Variants in C17orf99 observed in about 807,000 individuals in gnomAD.
C17orf99 encodes the protein protein IL-40.
A neutral mutation model predicts 22.6 loss-of-function variants in C17orf99; 18 were observed. The ratio of observed to expected loss-of-function variants is 0.80; its 90% CI spans 0.55 to 1.18. The LOEUF (loss-of-function observed/expected upper bound fraction) is 1.18, where lower values mean the gene tolerates loss of function less well. Among genes scored for constraint, C17orf99 ranks in the 50% most tolerant of loss-of-function variants. The pLI, the probability that C17orf99 is intolerant of heterozygous loss-of-function variation, is 0.00. For synonymous variants in C17orf99, 147 were observed against 136.6 expected (o/e 1.08, Z -0.53); for missense variants, 328 against 342.7 (o/e 0.96, Z 0.34).
At chr17:78,164,574 C>G in intron 4 of C17orf99, 3 of 1,530,458 alleles carry the variant, frequency 2.0e-6, no homozygotes, top group Non-Finnish European at 2.6e-6. Context: ...AGGAGGGTTG[C>G]CCAGGGCACC....
chr17:78,158,214 T>A, intron 2 of C17orf99: 1 of 646,734 alleles, frequency 1.5e-6, no homozygotes, highest in Non-Finnish European at 2.9e-6. Context: ...GTGGCGGTGG[T>A]GGCAGCAGTG....
intron 2 of C17orf99, among the ~76,000 whole-genome samples, chr17:78,154,091 A>G (rs1391561493): frequency 6.6e-6 from 1 of 151,352 alleles, no homozygotes; most frequent in Non-Finnish European, 1.5e-5. Context: ...ACACCGGGCT[A>G]ATTTGTGTAT....
At chr17:78,148,921 A>C (rs2075456309) in intron 2 of C17orf99, among the ~76,000 whole-genome samples, 1 of 152,174 alleles carries the variant, frequency 6.6e-6, no homozygotes, top group Non-Finnish European at 1.5e-5. Context: ...CTCGGGATCC[A>C]GAGGAGAGAC....
At chr17:78,160,034 T>C (rs577293909) in intron 2 of C17orf99, 1 of 456,110 alleles carries the variant, frequency 2.2e-6, no homozygotes, top group African/African-American at 2.0e-5. Flanking sequence ...AGCGTGTGTG[T>C]ACAGGTATCT....
chr17:78,157,940 G>C, intron 2 of C17orf99: 1 of 1,175,170 alleles, frequency 8.5e-7, no homozygotes. Context: ...CATCTTTACT[G>C]GGAAGAAATA....
In C17orf99 at chr17:78,166,014, G is replaced by A. The variant is rs1386518098; in HGVS notation, c.766G>A (p.Glu256Lys). The A allele has an allele frequency of 2.1e-6, 3 of 1,445,808 alleles. No individual in the cohort carries two copies. In the African/African-American group the frequency reaches 4.2e-5, roughly 20 times the overall value. The allele number at this position is 1,445,808 out of a possible 1,614,324, so 89.6% of individuals were successfully genotyped here. A position where few individuals can be genotyped will look rare whatever the true frequency, so the allele number is the denominator to read the frequency against. Residue 256 changes from glutamate to lysine, a missense_variant, in exon 5 of 5, where the codon GAG (glutamate) becomes AAG (lysine). Transcript: ENST00000340363. ...EFGGFRIGNG[E>K]VRGRKAAAM Reference sequence around the variant, plus strand: ...TGGGGGGTTCAGGATAGGGAATGGGGAGGTCAGAGGACGCAAAGCAGCAGC... The same window carrying A: ...TGGGGGGTTCAGGATAGGGAATGGGAAGGTCAGAGGACGCAAAGCAGCAGC...
Position 78,161,061 on chromosome 17 carries a change from C to G in C17orf99, c.177C>G (p.Thr59=), listed in dbSNP as rs1272975593. ...CCAPQPPPPI[T]YSLCGTKNIK... is the part of the protein sequence containing the mutation. ...CACCCCAGCCACCACCGCCCATCAC[C>G]TATTCCCTCTGTGGAACCAAGAACA... Residue 59 remains threonine, a synonymous_variant, in exon 3 of 5, where the codon ACC becomes ACG. Transcript: ENST00000340363. 1.9e-6 allele frequency: 3 copies of G among 1,551,676 alleles called. No individual in the cohort carries two copies. Among genetic ancestry groups the G allele is most frequent in the South Asian group, 1.2e-5 (1 of 84,070 alleles).
In C17orf99 at chr17:78,164,526, C is replaced by T. The variant is rs1008192038; in HGVS notation, c.640+162C>T. On this transcript the variant is annotated intron_variant, in intron 4 of 4. Coordinates refer to ENST00000340363, the MANE Select transcript of C17orf99 (RefSeq NM_001163075.2). The stretch of plus-strand genomic sequence containing the variant: ...CAACCATGCCCACCCTGGCCCCTGC[C>T]TAAAGGAAGCCCAACCCAGCTGCCT... 6 of 1,536,092 alleles carry T rather than the reference C, an allele frequency of 3.9e-6. No homozygotes were observed. The African/African-American group carries it at 6.8e-5, about 18-fold the overall frequency.
At chr17:78,150,134 G>GA (rs2075470017) in intron 2 of C17orf99, among the ~76,000 whole-genome samples, 1 of 151,730 alleles carries the variant, frequency 6.6e-6, no homozygotes, top group Non-Finnish European at 1.5e-5. Context: ...TCAGCCTCCA[G>GA]AGTAACTGGG....
intron 2 of C17orf99, among the ~76,000 whole-genome samples, chr17:78,148,583 G>C (rs958975924): frequency 1.3e-5 from 2 of 152,112 alleles, no homozygotes; most frequent in Non-Finnish European, 2.9e-5. Context: ...AGAAGGAAAG[G>C]GAACACCAGG....
At chr17:78,161,317 T>G in intron 3 of C17orf99, 63 bp downstream of exon 3, 9 of 1,388,652 alleles carry the variant, frequency 6.5e-6, no homozygotes, top group East Asian at 2.5e-5. Context: ...TGGGGAGCTC[T>G]GGGAGTGGGG....
rs761695017 is a variant in C17orf99 at position 78,164,139 on chromosome 17, G to A, written c.415G>A (p.Gly139Arg). Reference protein sequence around the residue: ...LRANFTLQDRGAGPRVEMICQ... With the variant: ...LRANFTLQDRRAGPRVEMICQ... ...GGCCAACTTCACTCTGCAGGACAGAGGGGCAGGCCCCAGGGTGGAGATGAT... is the reference window on the plus strand; with the variant it reads ...GGCCAACTTCACTCTGCAGGACAGAAGGGCAGGCCCCAGGGTGGAGATGAT... Residue 139 changes from glycine to arginine, a missense_variant, in exon 4 of 5, where the codon GGG becomes AGG. By Grantham distance (125) the Gly-to-Arg change is moderately radical (BLOSUM62 -2). Coordinates refer to ENST00000340363, the MANE Select transcript of C17orf99 (RefSeq NM_001163075.2). 1.3e-6 allele frequency: 2 copies of A among 1,551,606 alleles called. No individual in the cohort carries two copies. Among genetic ancestry groups the A allele is most frequent in the Admixed American group, 2.0e-5 (1 of 50,998 alleles).
chr17:78,151,372 C>T (rs1223340329), intron 2 of C17orf99, among the ~76,000 whole-genome samples: 1 of 128,942 alleles, frequency 7.8e-6, no homozygotes, highest in African/African-American at 3.1e-5. Flanking sequence ...TGCAGTGAGC[C>T]GAGATCGTGC....
chr17:78,152,816 T>C (rs1437128493), intron 2 of C17orf99, among the ~76,000 whole-genome samples: 1 of 151,420 alleles, frequency 6.6e-6, no homozygotes, highest in Admixed American at 6.6e-5. Context: ...GGCGGGTGGC[T>C]CACGCCTATA....
intron 2 of C17orf99, chr17:78,160,228 GTGCAGGTTTGTTATAGAAGTAAAT>G (rs1567821246): frequency 2.3e-6 from 1 of 426,892 alleles, no homozygotes; most frequent in East Asian, 7.0e-5. Flanking sequence ...AGGGGTACAT[GTGCAGGTTTGTTATAGAAGTAAAT>G]TGCAGCCGGG....
At position 78,146,991 on chromosome 17, in the gene C17orf99, C is replaced by A; in HGVS notation, c.70+80C>A. The A allele has an allele frequency of 7.6e-7, 1 of 1,312,582 alleles. No individual in the cohort carries two copies. Among genetic ancestry groups the A allele is most frequent in the East Asian group, 2.5e-5 (1 of 39,718 alleles). 81.3% of individuals were successfully genotyped at this position (1,312,582 alleles called of 1,614,324 possible). A position where few individuals can be genotyped will look rare whatever the true frequency, so the allele number is the denominator to read the frequency against. ...AGAACCCCCATGGTGGAGGGCGCCT[C>A]GGCTGGGAAGGGAGTTACTAGTGGG... On this transcript the variant is annotated intron_variant, in intron 2 of 4. Transcript: ENST00000340363. The surrounding 1 kb of genome is among the most constrained non-coding windows in gnomAD (Gnocchi z 5.2).
At chr17:78,164,774 T>C (rs2075605617) in intron 4 of C17orf99, 3 of 1,273,818 alleles carry the variant, frequency 2.4e-6, no homozygotes, top group Non-Finnish European at 2.0e-6. Flanking sequence ...GGCAGGGCTG[T>C]GGCCAGGGCA....
chr17:78,166,165 A>C lies in C17orf99; in HGVS notation c.*119A>C. The stretch of plus-strand genomic sequence containing the variant: ...TAGCTGCTCTTGCCACAAAAAAAAA[A>C]AAAAAAAAAAAAGGGTAACTATGAG... On this transcript the variant is annotated 3_prime_UTR_variant, in exon 5 of 5. Coordinates refer to ENST00000340363, the MANE Select transcript of C17orf99 (RefSeq NM_001163075.2). The C allele has an allele frequency of 2.5e-6, 1 of 403,774 alleles. No homozygotes were observed. 25.0% of individuals were successfully genotyped at this position (403,774 alleles called of 1,614,324 possible). A position where few individuals can be genotyped will look rare whatever the true frequency, so the allele number is the denominator to read the frequency against.
chr17:78,158,142 T>A, intron 2 of C17orf99: 3 of 816,570 alleles, frequency 3.7e-6, no homozygotes, highest in South Asian at 2.6e-5. Context: ...GGAGAAGAGA[T>A]CCTGATCATG....
Sources: allele counts gnomAD v4.1 joint callset (sites outside exome capture counted in the v4.1 genomes callset), GRCh38; gene constraint gnomAD v4.1.1; non-coding constraint Gnocchi (gnomAD v3.1); transcripts MANE v1.5; gene names NCBI Gene and HGNC (gene_info 2026-07-23, HGNC 2026-07-21).